CEP192: variants seen among roughly 807,000 people sequenced by gnomAD.
CEP192 encodes centrosomal protein of 192 kDa.
CEP192 carries 151 observed loss-of-function variants against 271.8 expected under a neutral mutation model. The observed-to-expected ratio is 0.56, with a 90% CI of 0.49 to 0.64. The LOEUF is 0.64. Among genes scored for constraint, CEP192 ranks in the 30% least tolerant of loss-of-function variants. The pLI, the probability that CEP192 is intolerant of heterozygous loss-of-function variation, is 0.00. For missense variants in CEP192, 2,910 were observed against 3,020.5 expected, an observed-to-expected ratio of 0.96 and a Z score of 0.86; for synonymous variants, 995 against 1,076.5, an observed-to-expected ratio of 0.92 and a Z score of 1.48.
chr18:13,115,084 A>G (rs940081384), intron 42 of CEP192, among the ~76,000 whole-genome samples: 2 of 152,162 alleles, frequency 1.3e-5, no homozygotes, highest in Non-Finnish European at 2.9e-5. Flanking sequence ...TTAGTCATTT[A>G]TTTTTTAATG....
intron 38 of CEP192, 103 bp downstream of exon 38, chr18:13,100,615 C>G (rs1407214474): frequency 6.8e-6 from 6 of 887,234 alleles, no homozygotes; most frequent in African/African-American, 1.7e-5. Context: ...TTTCCTCCTA[C>G]TTCAGGAGAA....
intron 36 of CEP192, among the ~76,000 whole-genome samples, 183 bp downstream of exon 36, chr18:13,096,490 A>G (rs1487101669): frequency 6.6e-6 from 1 of 152,108 alleles, no homozygotes; most frequent in Non-Finnish European, 1.5e-5. Flanking sequence ...GGTCTAGTGG[A>G]GCAGAGATCT....
At chr18:13,011,662 A>G (rs896927228) in intron 4 of CEP192, among the ~76,000 whole-genome samples, 4 of 152,110 alleles carry the variant, frequency 2.6e-5, no homozygotes, top group Non-Finnish European at 5.9e-5. Context: ...GATTACAGGC[A>G]TGCACCACTA....
At position 13,019,219 on chromosome 18, in the gene CEP192, T is replaced by A; in HGVS notation, c.1050+13T>A. ...AGATCTTAACAGTGTAAGTTATGCA[T>A]TTTTCTTAGATTTCCTATAAAAAAA... On this transcript the variant is annotated intron_variant, in intron 9 of 44. Transcript: ENST00000506447. 6.8e-7 allele frequency: 1 copy of A among 1,477,868 alleles called. No homozygotes were observed. Among genetic ancestry groups the A allele is most frequent in the South Asian group, 1.4e-5 (1 of 71,994 alleles). The allele number at this position is 1,477,868 out of a possible 1,614,324, so 91.5% of individuals were successfully genotyped here. A position where few individuals can be genotyped will look rare whatever the true frequency, so the allele number is the denominator to read the frequency against.
At chr18:13,028,615 G>A (rs2035440767) in intron 9 of CEP192, among the ~76,000 whole-genome samples, 1 of 152,026 alleles carries the variant, frequency 6.6e-6, no homozygotes, top group Admixed American at 6.6e-5. Flanking sequence ...CGCCTCCCAG[G>A]TTCAAGTGAT....
intron 42 of CEP192, 44 bp downstream of exon 42, chr18:13,114,295 T>C (rs1442094851): frequency 1.8e-5 from 28 of 1,599,478 alleles, no homozygotes; most frequent in Non-Finnish European, 2.4e-5. Flanking sequence ...CCCAGTACTT[T>C]ATTGAGGAAT....
chr18:13,018,555 T>G lies in CEP192; in HGVS notation c.865T>G (p.Ser289Ala). 6.5e-7 allele frequency: 1 copy of G among 1,542,726 alleles called. No homozygotes were observed. The highest frequency in any genetic ancestry group is 1.2e-5 in the South Asian group (1 of 82,964). The change falls in exon 8 of 45, where the codon TCT (serine) becomes GCT (alanine). Residue 289 changes from serine to alanine, a missense_variant. Physicochemically the swap from Ser to Ala is moderately conservative, Grantham distance 99. Coordinates refer to ENST00000506447, the MANE Select transcript of CEP192 (RefSeq NM_032142.4). ...CTCTCTGATTTCCCTCGACTCACACTCTTCTGAAACAACTCACAAAGAGTC... is the reference window on the plus strand; with the variant it reads ...CTCTCTGATTTCCCTCGACTCACACGCTTCTGAAACAACTCACAAAGAGTC... The part of the protein sequence containing the change: ...NSSLISLDSH[S>A]SETTHKESEE...
At chr18:13,114,273 T>C (rs776540571) in intron 42 of CEP192, 22 bp downstream of exon 42, 2 of 1,608,032 alleles carry the variant, frequency 1.2e-6, no homozygotes, top group South Asian at 2.2e-5. Flanking sequence ...TTGTCATTCT[T>C]ATGAGTTTTT....
rs1285734678 is a variant in CEP192, at chr18:13,056,714, T to TCTA, written c.4108+17_4108+19dup. The TCTA allele has an allele frequency of 6.5e-7, 1 of 1,538,340 alleles. No homozygotes were observed. The highest frequency in any genetic ancestry group is 8.8e-7 in the Non-Finnish European group (1 of 1,141,454). On this transcript the variant is annotated intron_variant, in intron 19 of 44. Coordinates refer to ENST00000506447, the MANE Select transcript of CEP192 (RefSeq NM_032142.4). The stretch of plus-strand genomic sequence containing the variant: ...TCAGGATTGGGTAAGATGCTTTTTC[T>TCTA]CTATTATTATTACTTGCTATTATTT...
chr18:12,998,004 C>T (rs535772572), intron 1 of CEP192, among the ~76,000 whole-genome samples: 1 of 152,198 alleles, frequency 6.6e-6, no homozygotes, highest in Non-Finnish European at 1.5e-5. Context: ...GGATTACAGA[C>T]ATGAGCCATC....
At chr18:13,046,914 C>G (rs1336862429) in intron 15 of CEP192, among the ~76,000 whole-genome samples, 1 of 145,172 alleles carries the variant, frequency 6.9e-6, no homozygotes, top group East Asian at 2.1e-4. Context: ...CCCTGTTACT[C>G]TTGATATGTA....
In CEP192 at chr18:13,073,017, C is replaced by T. The variant is rs746498001; in HGVS notation, c.5448C>T (p.Asn1816=). Reference sequence around the variant, plus strand: ...CTGTTTTTAAATTGTAGCTTCAGAACACTTTTGGTTCAGAACAGCGATTGA... The same window carrying T: ...CTGTTTTTAAATTGTAGCTTCAGAATACTTTTGGTTCAGAACAGCGATTGA... ...GQDQDCFQLQ[N]TFGSEQRLTS... is the part of the protein sequence containing the mutation. The change falls in exon 30 of 45, where the codon AAC becomes AAT. Residue 1816 remains asparagine (N), a synonymous_variant. Transcript: ENST00000506447. 6 of 1,605,212 alleles carry T rather than the reference C, an allele frequency of 3.7e-6. 1 individual carries two copies. In the South Asian group the frequency reaches 6.7e-5, roughly 18 times the overall value.
chr18:13,099,675 CA>C lies in CEP192; in HGVS notation c.6663+97del, dbSNP rs2039616037. 3 of 636,778 alleles carry C rather than the reference CA, an allele frequency of 4.7e-6. No homozygotes were observed. In the Middle Eastern group the frequency reaches 8.4e-4, roughly 178 times the overall value. 39.4% of individuals were successfully genotyped at this position (636,778 alleles called of 1,614,324 possible). A position where few individuals can be genotyped will look rare whatever the true frequency, so the allele number is the denominator to read the frequency against. Reference sequence around the variant, plus strand: ...CTTATTAGCACTTAATTTCAGAAATCAAATGAAAGCGTACTTGACCCTTCAT... The same window carrying C: ...CTTATTAGCACTTAATTTCAGAAATCAATGAAAGCGTACTTGACCCTTCAT... On this transcript the variant is annotated intron_variant, in intron 37 of 44. Transcript: ENST00000506447.
chr18:13,040,483 A>G (rs1309958915), intron 13 of CEP192, among the ~76,000 whole-genome samples: 1 of 152,264 alleles, frequency 6.6e-6, no homozygotes, highest in East Asian at 1.9e-4. Context: ...TGTTTATTCT[A>G]TAAAATAAAG....
At chr18:13,089,406 T>A (rs762239851) in intron 32 of CEP192, 50 bp from the exon 33 acceptor site, 2 of 875,972 alleles carry the variant, frequency 2.3e-6, no homozygotes, top group African/African-American at 3.4e-5. Flanking sequence ...TTAAAGTTAT[T>A]TTATATATAA....
At chr18:12,998,033 T>G (rs2033368909) in intron 1 of CEP192, among the ~76,000 whole-genome samples, 4 of 152,168 alleles carry the variant, frequency 2.6e-5, no homozygotes. Flanking sequence ...CCTCATAATC[T>G]CTTTAGTGGT....
Position 13,030,426 on chromosome 18 carries a change from A to T in CEP192, c.1391-39A>T. ...AGAATGTTTTGTCATTTTAGTTGTT[A>T]CATGTGTCATTTGATATTTTGGGAA... On this transcript the variant is annotated intron_variant, in intron 10 of 44. Coordinates refer to ENST00000506447, the MANE Select transcript of CEP192 (RefSeq NM_032142.4). 2.0e-6 allele frequency: 3 copies of T among 1,492,150 alleles called. No homozygotes were observed. In the South Asian group the frequency reaches 3.8e-5, roughly 19 times the overall value. The allele number at this position is 1,492,150 out of a possible 1,614,324, so 92.4% of individuals were successfully genotyped here.
At chr18:13,085,299 C>A (rs1404489003) in intron 30 of CEP192, among the ~76,000 whole-genome samples, 2 of 152,084 alleles carry the variant, frequency 1.3e-5, no homozygotes, top group Non-Finnish European at 2.9e-5. Flanking sequence ...CAGCCCTCAG[C>A]CCTCTGTCAG....
At chr18:13,118,819 T>A (rs563944956) in intron 44 of CEP192, among the ~76,000 whole-genome samples, 132 of 151,680 alleles carry the variant, frequency 8.7e-4, no homozygotes, top group African/African-American at 3.1e-3. Context: ...ATCATCATCA[T>A]TAAATCTCCC....
Sources: allele counts gnomAD v4.1 joint callset (sites outside exome capture counted in the v4.1 genomes callset), GRCh38; gene constraint gnomAD v4.1.1; transcripts MANE v1.5; gene names NCBI Gene and HGNC (gene_info 2026-07-23, HGNC 2026-07-21).